Variants in MSANTD3 observed in about 807,000 individuals in gnomAD.
The protein encoded by MSANTD3 is Myb/SANT DNA binding domain containing 3, also known as myb/SANT-like DNA-binding domain-containing protein 3.
Under a neutral mutation model 27.7 loss-of-function variants are expected in MSANTD3, and 11 were observed. The observed-to-expected ratio is 0.40, with a 90% CI of 0.25 to 0.66. The LOEUF is 0.66. MSANTD3 is among the 30% of genes least tolerant of loss of function. MSANTD3 has a pLI of 0.41. For missense variants in MSANTD3, 250 were observed against 336.5 expected (o/e 0.74, Z 2.01); for synonymous variants, 131 against 127.2 (o/e 1.03, Z -0.20).
chr9:100,450,548 G>T lies in MSANTD3; in HGVS notation c.419-9G>T. On this transcript the variant is annotated splice_polypyrimidine_tract_variant and intron_variant, in intron 2 of 2. Coordinates refer to ENST00000395067, the MANE Select transcript of MSANTD3 (RefSeq NM_080655.3). The stretch of plus-strand genomic sequence containing the variant: ...CTTTGAACATATGTTTTCTGCTACT[G>T]TTTTTCAGAATCATTTGCTGTTTCA... 1.3e-6 allele frequency: 2 copies of T among 1,515,524 alleles called. No individual in the cohort carries two copies. The highest frequency in any genetic ancestry group is 1.8e-6 in the Non-Finnish European group (2 of 1,136,058). The allele number at this position is 1,515,524 out of a possible 1,614,324, so 93.9% of individuals were successfully genotyped here. A position where few individuals can be genotyped will look rare whatever the true frequency, so the allele number is the denominator to read the frequency against.
intron 2 of MSANTD3, among the ~76,000 whole-genome samples, chr9:100,446,417 G>A (rs16919111): frequency 0.039 from 5,977 of 152,032 alleles, 381 homozygotes; most frequent in African/African-American, 0.13. Context: ...ATTCTAACGC[G>A]CTTGCATATC....
intron 2 of MSANTD3, among the ~76,000 whole-genome samples, chr9:100,448,033 A>T (rs2118126199): frequency 6.6e-6 from 1 of 152,204 alleles, no homozygotes; most frequent in East Asian, 1.9e-4. Flanking sequence ...TCTACCAAAA[A>T]TACAAAAAAT....
At chr9:100,428,682 G>A in intron 1 of MSANTD3, among the ~76,000 whole-genome samples, 1 of 152,160 alleles carries the variant, frequency 6.6e-6, no homozygotes, top group East Asian at 1.9e-4. Context: ...TGGAGGGTCA[G>A]GTGATTGGGC....
At chr9:100,444,901 T>C (rs542228409) in intron 2 of MSANTD3, 210 of 313,222 alleles carry the variant, frequency 6.7e-4, no homozygotes, top group African/African-American at 4.2e-3. Context: ...TAATAGTGAC[T>C]CAAGTATAAA....
intron 2 of MSANTD3, among the ~76,000 whole-genome samples, chr9:100,447,177 A>T (rs753187353): frequency 1.3e-5 from 2 of 152,190 alleles, no homozygotes; most frequent in Non-Finnish European, 2.9e-5. Flanking sequence ...GAGAGAGATT[A>T]CATGGTGTGT....
intron 2 of MSANTD3, among the ~76,000 whole-genome samples, chr9:100,443,647 CT>C: frequency 6.6e-6 from 1 of 152,014 alleles, no homozygotes; most frequent in Middle Eastern, 3.2e-3. Context: ...GAAAAAAACA[CT>C]GTCATATAAT....
At chr9:100,430,101 A>G (rs1477803032) in intron 1 of MSANTD3, among the ~76,000 whole-genome samples, 1 of 151,872 alleles carries the variant, frequency 6.6e-6, no homozygotes, top group Non-Finnish European at 1.5e-5. Flanking sequence ...CTCTCAAAAA[A>G]AAAAAAAAAA....
intron 1 of MSANTD3, among the ~76,000 whole-genome samples, chr9:100,434,982 C>T (rs558369234): frequency 2.0e-5 from 3 of 152,140 alleles, no homozygotes; most frequent in Admixed American, 2.0e-4. Context: ...CACACACACA[C>T]ACACACACGT....
chr9:100,430,156 C>T (rs899736950), intron 1 of MSANTD3, among the ~76,000 whole-genome samples: 17 of 151,170 alleles, frequency 1.1e-4, no homozygotes, highest in Non-Finnish European at 2.4e-4. Flanking sequence ...TGCTTCAAAC[C>T]CATTTTAGAA....
At chr9:100,449,232 G>C in intron 2 of MSANTD3, 2 of 985,364 alleles carry the variant, frequency 2.0e-6, no homozygotes, top group Non-Finnish European at 2.4e-6. Flanking sequence ...TGATGTTACT[G>C]CTCTAATAAA....
intron 1 of MSANTD3, among the ~76,000 whole-genome samples, chr9:100,437,967 C>T (rs1488813099): frequency 6.6e-6 from 1 of 152,168 alleles, no homozygotes; most frequent in African/African-American, 2.4e-5. Flanking sequence ...TTATTGCTAT[C>T]ATTATTATTA....
intron 1 of MSANTD3, among the ~76,000 whole-genome samples, chr9:100,434,762 C>G (rs765960829): frequency 1.3e-5 from 2 of 152,170 alleles, no homozygotes; most frequent in African/African-American, 2.4e-5. Flanking sequence ...GTCCTCTCTT[C>G]TGGTGTCTGT....
intron 2 of MSANTD3, among the ~76,000 whole-genome samples, chr9:100,446,056 A>G (rs1223282920): frequency 1.3e-5 from 2 of 152,218 alleles, no homozygotes; most frequent in Non-Finnish European, 2.9e-5. Context: ...AAGGGAGCCA[A>G]TAAAATTCGC....
At chr9:100,446,289 T>C (rs1266561486) in intron 2 of MSANTD3, among the ~76,000 whole-genome samples, 1 of 152,188 alleles carries the variant, frequency 6.6e-6, no homozygotes, top group Non-Finnish European at 1.5e-5. Flanking sequence ...AGGGCTGAGT[T>C]ACACTTCCAG....
intron 1 of MSANTD3, among the ~76,000 whole-genome samples, chr9:100,437,568 G>A (rs372227245): frequency 1.3e-5 from 2 of 152,226 alleles, no homozygotes; most frequent in East Asian, 3.8e-4. Context: ...ACATTGCCTT[G>A]TATCAGAATC....
At chr9:100,444,249 G>C (rs572591851) in intron 2 of MSANTD3, 1 of 152,126 alleles carries the variant, frequency 6.6e-6, no homozygotes, top group Non-Finnish European at 1.5e-5. Flanking sequence ...CTCATGCATC[G>C]ATTTCCAGTG....
chr9:100,445,819 T>C (rs1424623747), intron 2 of MSANTD3, among the ~76,000 whole-genome samples: 1 of 152,202 alleles, frequency 6.6e-6, no homozygotes, highest in Non-Finnish European at 1.5e-5. Flanking sequence ...TGGATATACT[T>C]AGCTTTGTCA....
chr9:100,441,917 G>T lies in MSANTD3; in HGVS notation c.-22G>T, dbSNP rs570578950. The T allele has an allele frequency of 5.7e-6, 9 of 1,575,816 alleles. No homozygotes were observed. Among genetic ancestry groups the T allele is most frequent in the Non-Finnish European group, 6.0e-6 (7 of 1,159,804 alleles). On this transcript the variant is annotated 5_prime_UTR_variant, in exon 2 of 3. Transcript: ENST00000395067. Reference sequence around the variant, plus strand: ...ACTTCCTTTTACAGGATAGCTAGCGGCCAGGAGAAATACAGTGGAAAATGC... The same window carrying T: ...ACTTCCTTTTACAGGATAGCTAGCGTCCAGGAGAAATACAGTGGAAAATGC...
intron 1 of MSANTD3, among the ~76,000 whole-genome samples, chr9:100,431,374 T>C (rs1396429852): frequency 1.3e-5 from 2 of 151,600 alleles, no homozygotes; most frequent in African/African-American, 4.9e-5. Flanking sequence ...GGTGCAATCA[T>C]TGTTCACTGC....
Sources: allele counts gnomAD v4.1 joint callset (sites outside exome capture counted in the v4.1 genomes callset), GRCh38; gene constraint gnomAD v4.1.1; transcripts MANE v1.5; gene names NCBI Gene and HGNC (gene_info 2026-07-23, HGNC 2026-07-21).